The following PHF14 variants were observed in gnomAD, a reference collection of about 807,000 sequenced individuals.
The protein encoded by PHF14 is PHD finger protein 14.
In PHF14, 55 loss-of-function variants were observed where a neutral mutation model predicts 117.9. The observed-to-expected ratio is 0.47, with a 90% CI of 0.38 to 0.58. The LOEUF (loss-of-function observed/expected upper bound fraction) is 0.58. Ranked by LOEUF, PHF14 falls within the 20% of genes least tolerant of loss-of-function variation. The probability of loss-of-function intolerance (pLI) is 0.00; values close to 1 mark genes in which losing one functional copy is unlikely to be tolerated. For missense variants in PHF14, 978 were observed against 1,122.2 expected, an observed-to-expected ratio of 0.87 and a Z score of 1.84; for synonymous variants, 409 against 368.6, an observed-to-expected ratio of 1.11 and a Z score of -1.26.
At chr7:11,007,602 T>G (rs1252575085) in intron 4 of PHF14, among the ~76,000 whole-genome samples, 2 of 152,198 alleles carry the variant, frequency 1.3e-5, no homozygotes, top group Admixed American at 6.5e-5. Flanking sequence ...CCATGCAATT[T>G]TTAAAAAACA....
At position 11,051,632 on chromosome 7, in the gene PHF14, A is replaced by G; in HGVS notation, c.2333A>G (p.Gln778Arg). 3 of 1,612,868 alleles carry G rather than the reference A, an allele frequency of 1.9e-6. No individual in the cohort carries two copies. Among genetic ancestry groups the G allele is most frequent in the Non-Finnish European group, 2.5e-6 (3 of 1,179,334 alleles). Residue 778 changes from glutamine to arginine, a missense_variant, in exon 14 of 18, where the codon CAG becomes CGG. Transcript: ENST00000634607. ...TGTAGGCAGTGCTCGGAATGTGACC[A>G]GGCAGGGAGCAGTGACATGGAAGCA... is the stretch of plus-strand genomic sequence containing the variant. ...NSYWQCSECD[Q>R]AGSSDMEADM...
intron 17 of PHF14, among the ~76,000 whole-genome samples, chr7:11,152,247 G>A (rs543180818): frequency 6.6e-6 from 1 of 152,208 alleles, no homozygotes; most frequent in Non-Finnish European, 1.5e-5. Context: ...AATTCTAACT[G>A]TACATACGGT....
chr7:11,070,380 G>A (rs894131094), intron 16 of PHF14, among the ~76,000 whole-genome samples: 1 of 152,190 alleles, frequency 6.6e-6, no homozygotes, highest in South Asian at 2.1e-4. Flanking sequence ...ACCCAGCTAA[G>A]CTGTGTTTTT....
At chr7:11,046,295 T>A (rs1784660633) in intron 13 of PHF14, among the ~76,000 whole-genome samples, 1 of 152,212 alleles carries the variant, frequency 6.6e-6, no homozygotes, top group African/African-American at 2.4e-5. Context: ...GTTAATCATC[T>A]CTTAATTTTA....
intron 3 of PHF14, among the ~76,000 whole-genome samples, chr7:10,984,521 G>T (rs6943989): frequency 0.71 from 108,566 of 152,116 alleles, 39,989 homozygotes; most frequent in African/African-American, 0.9. Context: ...GTATTTAATT[G>T]AGGCATGCAT....
intron 17 of PHF14, among the ~76,000 whole-genome samples, chr7:11,151,940 C>T (rs1268817569): frequency 4.6e-5 from 7 of 152,124 alleles, no homozygotes; most frequent in Non-Finnish European, 1.0e-4. Flanking sequence ...TTTTCCTCTT[C>T]TATTTCTGTA....
intron 4 of PHF14, among the ~76,000 whole-genome samples, chr7:10,996,894 G>A (rs1345117191): frequency 6.6e-6 from 1 of 152,216 alleles, no homozygotes; most frequent in Non-Finnish European, 1.5e-5. Context: ...CCTGGTCATG[G>A]CGTTAGCTCT....
At chr7:11,069,638 T>C (rs1583433010) in intron 16 of PHF14, among the ~76,000 whole-genome samples, 1 of 72,774 alleles carries the variant, frequency 1.4e-5, no homozygotes, top group African/African-American at 5.7e-5. Context: ...TTCCTTCCCC[T>C]CCCCTCCTCT....
At chr7:11,009,931 G>A (rs932806215) in intron 4 of PHF14, among the ~76,000 whole-genome samples, 6 of 152,166 alleles carry the variant, frequency 3.9e-5, no homozygotes, top group Non-Finnish European at 8.8e-5. Flanking sequence ...AAATGTGCAC[G>A]TTTGCTATGT....
At chr7:11,035,528 T>C (rs1403460352) in intron 7 of PHF14, 112 bp from the exon 8 acceptor site, 1 of 557,874 alleles carries the variant, frequency 1.8e-6, no homozygotes, top group Non-Finnish European at 2.9e-6. Context: ...TTATTAGATG[T>C]AACTAGCACT....
At chr7:11,122,350 T>TACACACAC (rs1179471501) in intron 17 of PHF14, among the ~76,000 whole-genome samples, 848 of 62,980 alleles carry the variant, frequency 0.013, 24 homozygotes, top group East Asian at 0.11. Context: ...TATATATATA[T>TACACACAC]ATACACACAC....
intron 16 of PHF14, chr7:11,106,426 T>A (rs1374621476): frequency 8.4e-6 from 8 of 953,634 alleles, no homozygotes; most frequent in Non-Finnish European, 1.0e-5. Flanking sequence ...TTATTTTGTA[T>A]AGAAACTGCT....
intron 5 of PHF14, chr7:11,015,333 G>A (rs1783497775): frequency 6.6e-6 from 1 of 152,058 alleles, no homozygotes; most frequent in South Asian, 2.1e-4. Context: ...GAATCTTGGA[G>A]AATCCCATGT....
intron 16 of PHF14, chr7:11,105,427 TTGATTCTCAA>T (rs1194451193): frequency 2.1e-6 from 2 of 958,020 alleles, no homozygotes; most frequent in African/African-American, 3.5e-5. Flanking sequence ...ACTATTTTAC[TTGATTCTCAA>T]TATGAGAATA....
chr7:11,122,331 T>TTTTATATATATATATATATATA (rs1236770638), intron 17 of PHF14, among the ~76,000 whole-genome samples: 1 of 84,054 alleles, frequency 1.2e-5, no homozygotes, highest in Admixed American at 1.3e-4. Context: ...TTTGTACTTT[T>TTTTATATATATATATATATATA]TATATATATA....
Position 11,062,049 on chromosome 7 carries a change from C to T in PHF14, c.2618C>T (p.Thr873Ile). The change falls in exon 16 of 18, where the codon ACT (threonine) becomes ATT (isoleucine). Residue 873 changes from threonine to isoleucine, a missense_variant. Thr to Ile is a moderately conservative substitution (Grantham distance 89). This residue lies in a region of PHF14 where 180 missense variants were observed against 195.4 expected (regional missense o/e 0.92). Coordinates refer to ENST00000634607, the MANE Select transcript of PHF14 (RefSeq NM_001007157.2). Reference protein sequence around the residue: ...KAEDLRTECATCKGTGDNENL... With the variant: ...KAEDLRTECAICKGTGDNENL... ...GAAGATTTAAGAACTGAATGTGCAA[C>T]TTGCAAGGGAACTGGAGACAATGAA... 6.2e-7 allele frequency: 1 copy of T among 1,608,498 alleles called. No individual in the cohort carries two copies. Among genetic ancestry groups the T allele is most frequent in the Non-Finnish European group, 8.5e-7 (1 of 1,177,036 alleles).
At chr7:11,124,598 T>G (rs1583484871) in intron 17 of PHF14, among the ~76,000 whole-genome samples, 1 of 152,236 alleles carries the variant, frequency 6.6e-6, no homozygotes, top group East Asian at 1.9e-4. Flanking sequence ...GTTATTGTTT[T>G]TTTTTATCTC....
At position 11,011,325 on chromosome 7, in the gene PHF14, G is replaced by A. The variant is rs1050243862; in HGVS notation, c.1046-2422G>A. On this transcript the variant is annotated intron_variant, in intron 4 of 17. Transcript: ENST00000634607. ...TTCTTTGATGGTTGTGAGAGGTCAC[G>A]CTCCAATTTAGGCTCCTGGTTGTCT... 1.1e-4 allele frequency among the ~76,000 whole-genome samples: 16 copies of A among 152,044 alleles called. 1 individual carries two copies. Among genetic ancestry groups the A allele is most frequent in the Admixed American group, 7.2e-4 (11 of 15,260 alleles).
intron 16 of PHF14, among the ~76,000 whole-genome samples, chr7:11,094,249 A>C (rs1562463180): frequency 1.3e-5 from 2 of 152,194 alleles, no homozygotes; most frequent in East Asian, 1.9e-4. Flanking sequence ...AAACAATATA[A>C]AATTTTTTCA....
Sources: gnomAD v4.1 joint callset for allele counts (sites outside exome capture counted in the v4.1 genomes callset) on GRCh38, gnomAD v4.1.1 for gene constraint, gnomAD v4.1.1 regional missense constraint, MANE v1.5 for transcripts, NCBI Gene and HGNC (gene_info 2026-07-23, HGNC 2026-07-21) for gene names.